HIVEP2: variants seen among roughly 807,000 people sequenced by gnomAD.
The protein encoded by HIVEP2 is HIVEP zinc finger 2, also known as transcription factor HIVEP2.
A neutral mutation model predicts 180.7 loss-of-function variants in HIVEP2; 14 were observed. That is an observed-to-expected ratio of 0.08 (90% confidence interval 0.05 to 0.12). The LOEUF (loss-of-function observed/expected upper bound fraction) is 0.12. HIVEP2 is among the 10% of genes least tolerant of loss of function. The probability of loss-of-function intolerance (pLI) is 1.00; values close to 1 mark genes in which losing one functional copy is unlikely to be tolerated. For missense variants in HIVEP2, 2,579 were observed against 3,008.5 expected (o/e 0.86, Z 3.34); for synonymous variants, 1,184 against 1,136.4 (o/e 1.04, Z -0.84).
At chr6:142,921,252 T>C (rs991597506) in intron 1 of HIVEP2, among the ~76,000 whole-genome samples, 1 of 152,164 alleles carries the variant, frequency 6.6e-6, no homozygotes, top group South Asian at 2.1e-4. Flanking sequence ...GTTTAAAATA[T>C]GAGGATAGGC....
intron 3 of HIVEP2, among the ~76,000 whole-genome samples, chr6:142,782,331 G>A (rs9496462): frequency 0.086 from 13,023 of 152,056 alleles, 1,859 homozygotes; most frequent in African/African-American, 0.3. Flanking sequence ...TGAACATCTC[G>A]GGGCATTGTA....
intron 1 of HIVEP2, among the ~76,000 whole-genome samples, chr6:142,839,704 A>C (rs745891768): frequency 2.6e-5 from 4 of 152,126 alleles, no homozygotes; most frequent in Non-Finnish European, 5.9e-5. Flanking sequence ...CTGTTGCAAT[A>C]CTGATCACAG....
intron 2 of HIVEP2, among the ~76,000 whole-genome samples, chr6:142,818,757 G>T (rs1327254672): frequency 2.7e-5 from 3 of 111,044 alleles, no homozygotes; most frequent in Admixed American, 9.6e-5. Context: ...AAGAAAGAAA[G>T]AAAGAAAGAA....
chr6:142,759,377 C>T (rs1775161138), intron 9 of HIVEP2, among the ~76,000 whole-genome samples: 1 of 152,046 alleles, frequency 6.6e-6, no homozygotes, highest in African/African-American at 2.4e-5. Context: ...AATCAGAATC[C>T]TTACCTGGTG....
chr6:142,753,862 G>A lies in HIVEP2; in HGVS notation c.6586C>T (p.His2196Tyr), dbSNP rs778685272. 6.8e-6 allele frequency: 11 copies of A among 1,613,378 alleles called. No homozygotes were observed. The highest frequency in any genetic ancestry group is 1.6e-4 in the Middle Eastern group (1 of 6,084). The change falls in exon 10 of 10, where the codon CAT becomes TAT. Residue 2196 changes from histidine (H) to tyrosine (Y), a missense_variant. Coordinates refer to ENST00000367603, the MANE Select transcript of HIVEP2 (RefSeq NM_006734.4). ...LYGDQEGAYE[H>Y]PGSSLFPEGP... ...TCAGGGAAAAGGCTGGAGCCTGGATGTTCATAAGCACCTTCTTGGTCTCCA... is the reference window on the plus strand; with the variant it reads ...TCAGGGAAAAGGCTGGAGCCTGGATATTCATAAGCACCTTCTTGGTCTCCA...
chr6:142,815,043 C>T (rs569486981), intron 2 of HIVEP2, among the ~76,000 whole-genome samples: 1 of 152,236 alleles, frequency 6.6e-6, no homozygotes, highest in East Asian at 1.9e-4. Context: ...AGACAAGAGA[C>T]CGCACAAGAG....
Position 142,772,691 on chromosome 6 carries a change from C to G in HIVEP2, c.2048G>C (p.Gly683Ala), listed in dbSNP as rs1456900372. The G allele has an allele frequency of 6.2e-7, 1 of 1,614,214 alleles. No individual in the cohort carries two copies. Residue 683 changes from glycine (G) to alanine (A), a missense_variant, in exon 5 of 10, where the codon GGA becomes GCA. Gly to Ala is a moderately conservative substitution (Grantham distance 60). Coordinates refer to ENST00000367603, the MANE Select transcript of HIVEP2 (RefSeq NM_006734.4). This position sits in a 1 kb window ranked among gnomAD's most constrained non-coding sequence, Gnocchi z 4.9. ...YFMDPVVPLQ[G>A]VPSMFGTTCE... is the part of the protein sequence containing the mutation. ...GGTAGTTCCAAACATGCTTGGTACTCCCTGCAATGGCACCACGGGATCCAT... is the reference window on the plus strand; with the variant it reads ...GGTAGTTCCAAACATGCTTGGTACTGCCTGCAATGGCACCACGGGATCCAT...
In HIVEP2 at chr6:142,774,135, T is replaced by C. The variant is rs1407141088; in HGVS notation, c.604A>G (p.Ser202Gly). 1 of 1,614,032 alleles carries C rather than the reference T, an allele frequency of 6.2e-7. No individual in the cohort carries two copies. The highest frequency in any genetic ancestry group is 1.3e-5 in the African/African-American group (1 of 74,930). Residue 202 changes from serine to glycine, a missense_variant, in exon 5 of 10, where the codon AGT becomes GGT. Ser to Gly is a moderately conservative substitution (Grantham distance 56). Transcript: ENST00000367603. This position sits in a 1 kb window ranked among gnomAD's most constrained non-coding sequence, Gnocchi z 5.1. ...PYCSRACAKP[S>G]VLKKHIRSHT... ...GACCTGATGTGTTTTTTCAGTACAC[T>C]AGGTTTGGCACACGCTCTGCTGCAG...
At chr6:142,927,595 TAA>T (rs1355412441) in intron 1 of HIVEP2, among the ~76,000 whole-genome samples, 1 of 152,226 alleles carries the variant, frequency 6.6e-6, no homozygotes, top group Non-Finnish European at 1.5e-5. Context: ...ATTAGGACCT[TAA>T]GTTATCCTAT....
intron 1 of HIVEP2, among the ~76,000 whole-genome samples, chr6:142,899,791 G>A (rs542380922): frequency 3.9e-5 from 6 of 152,206 alleles, no homozygotes; most frequent in Middle Eastern, 3.4e-3. Flanking sequence ...TACCACCACC[G>A]CAGCCATCTC....
intron 1 of HIVEP2, among the ~76,000 whole-genome samples, chr6:142,856,694 G>A (rs1265551409): frequency 6.6e-6 from 1 of 152,208 alleles, no homozygotes; most frequent in Non-Finnish European, 1.5e-5. Flanking sequence ...TTGGCTTGGA[G>A]ACCATAAAAT....
intron 3 of HIVEP2, among the ~76,000 whole-genome samples, chr6:142,781,468 A>G (rs925416936): frequency 6.6e-6 from 1 of 152,146 alleles, no homozygotes; most frequent in African/African-American, 2.4e-5. Context: ...AATTTACTGG[A>G]GAATAAAACT....
chr6:142,812,783 C>G (rs776926098), intron 2 of HIVEP2, among the ~76,000 whole-genome samples: 19 of 152,066 alleles, frequency 1.2e-4, no homozygotes, highest in Admixed American at 8.5e-4. Flanking sequence ...ATTAAAAAGA[C>G]CAAAATTAAA....
At chr6:142,918,649 A>G (rs768383404) in intron 1 of HIVEP2, among the ~76,000 whole-genome samples, 9 of 152,246 alleles carry the variant, frequency 5.9e-5, no homozygotes, top group Non-Finnish European at 1.2e-4. Flanking sequence ...AGAGCACTCC[A>G]TAACAACTTC....
intron 9 of HIVEP2, among the ~76,000 whole-genome samples, chr6:142,756,071 A>G (rs529301669): frequency 6.6e-6 from 1 of 152,246 alleles, no homozygotes; most frequent in African/African-American, 2.4e-5. Flanking sequence ...GTGAATTCAA[A>G]TGTAGATTAT....
chr6:142,803,092 T>C (rs775511648), intron 2 of HIVEP2, among the ~76,000 whole-genome samples: 22 of 152,206 alleles, frequency 1.4e-4, no homozygotes, highest in Non-Finnish European at 2.8e-4. Context: ...TACTTTTAAA[T>C]GTCTGCATTT....
chr6:142,945,700 AAG>A (rs1280571831), upstream of HIVEP2, among the ~76,000 whole-genome samples: 3 of 152,078 alleles, frequency 2.0e-5, no homozygotes, highest in Admixed American at 6.5e-5. The surrounding 1 kb of genome is among the most constrained non-coding windows in gnomAD (Gnocchi z 5.5). Flanking sequence ...ACAGTCACCG[AAG>A]ATGTTTGTGC....
intron 1 of HIVEP2, among the ~76,000 whole-genome samples, chr6:142,905,786 C>G (rs1020058919): frequency 5.3e-5 from 8 of 152,164 alleles, no homozygotes; most frequent in African/African-American, 1.9e-4. Flanking sequence ...TTAGAATATA[C>G]AAGTCCGTAA....
chr6:142,823,389 T>A (rs570946791), intron 2 of HIVEP2, among the ~76,000 whole-genome samples: 14 of 152,280 alleles, frequency 9.2e-5, no homozygotes, highest in Middle Eastern at 6.8e-3. Flanking sequence ...TCTTGCCCAA[T>A]CTCTTTGCAC....
Sources: gnomAD v4.1 joint callset for allele counts (sites outside exome capture counted in the v4.1 genomes callset) on GRCh38, gnomAD v4.1.1 for gene constraint, Gnocchi (gnomAD v3.1) non-coding constraint, MANE v1.5 for transcripts, NCBI Gene and HGNC (gene_info 2026-07-23, HGNC 2026-07-21) for gene names.